ST7: variants seen among roughly 807,000 people sequenced by gnomAD.
ST7 encodes the protein suppressor of tumorigenicity 7 protein.
Under a neutral mutation model 78.7 loss-of-function variants are expected in ST7, and 28 were observed. The ratio of observed to expected loss-of-function variants is 0.36; its 90% CI spans 0.26 to 0.49. ST7 has a LOEUF of 0.49. Ranked by LOEUF, ST7 falls within the 20% of genes least tolerant of loss-of-function variation. The pLI is 0.99. For missense variants in ST7, 418 were observed against 696.0 expected (o/e 0.60, Z 4.49); for synonymous variants, 247 against 249.6 (o/e 0.99, Z 0.10).
chr7:117,229,438 T>C (rs1306442256), intron 15 of ST7, among the ~76,000 whole-genome samples: 1 of 152,252 alleles, frequency 6.6e-6, no homozygotes, highest in Non-Finnish European at 1.5e-5. Context: ...CTGTCATTCC[T>C]GTTTGACGAC....
chr7:117,067,414 G>T (rs981158529), intron 1 of ST7, among the ~76,000 whole-genome samples: 8 of 152,100 alleles, frequency 5.3e-5, no homozygotes, highest in Non-Finnish European at 8.8e-5. Flanking sequence ...TGCAGGAGGG[G>T]AAAAGAGACC....
chr7:117,002,977 C>T (rs563727215), intron 1 of ST7, among the ~76,000 whole-genome samples: 12 of 151,448 alleles, frequency 7.9e-5, no homozygotes, highest in African/African-American at 2.7e-4. Flanking sequence ...CACCCACAAC[C>T]GTGCCCAGCT....
intron 2 of ST7, chr7:117,112,332 C>G (rs1190229253): frequency 6.6e-6 from 1 of 152,150 alleles, no homozygotes; most frequent in Admixed American, 6.5e-5. Flanking sequence ...CACTCCATGC[C>G]AGGTGTACTA....
chr7:117,223,849 G>A, intron 15 of ST7: 1 of 626,492 alleles, frequency 1.6e-6, no homozygotes, highest in Non-Finnish European at 2.0e-6. Flanking sequence ...GTATCCCCAA[G>A]GCTTTGCACA....
At chr7:116,972,635 A>T in intron 1 of ST7, 1 of 1,239,758 alleles carries the variant, frequency 8.1e-7, no homozygotes. Flanking sequence ...TTTTCAATAA[A>T]CTTCATACCT....
At chr7:117,208,720 TC>T (rs1792005776) in intron 12 of ST7, among the ~76,000 whole-genome samples, 1 of 152,160 alleles carries the variant, frequency 6.6e-6, no homozygotes, top group African/African-American at 2.4e-5. Flanking sequence ...TTCATAAACT[TC>T]CACGGACAGA....
intron 2 of ST7, among the ~76,000 whole-genome samples, chr7:117,104,794 C>A (rs947808358): frequency 6.6e-6 from 1 of 152,248 alleles, no homozygotes; most frequent in East Asian, 1.9e-4. Context: ...TCCCCTTCAT[C>A]CTTGAAAGGT....
intron 15 of ST7, chr7:117,222,822 G>A: frequency 6.7e-7 from 1 of 1,495,214 alleles, no homozygotes; most frequent in Admixed American, 1.7e-5. Context: ...CAGAAAGGAT[G>A]ATTTCTAACT....
chr7:117,205,580 G>A (rs1270099190), intron 12 of ST7, among the ~76,000 whole-genome samples: 1 of 152,102 alleles, frequency 6.6e-6, no homozygotes, highest in Non-Finnish European at 1.5e-5. Flanking sequence ...AAGCACTTTA[G>A]CAGCCACCCA....
At chr7:116,977,948 A>G (rs1793779354) in intron 1 of ST7, among the ~76,000 whole-genome samples, 1 of 152,206 alleles carries the variant, frequency 6.6e-6, no homozygotes, top group Non-Finnish European at 1.5e-5. Context: ...CTTAAAGGAG[A>G]TACAATTCAT....
chr7:117,045,125 C>G (rs1797429529), intron 1 of ST7, among the ~76,000 whole-genome samples: 1 of 152,080 alleles, frequency 6.6e-6, no homozygotes, highest in South Asian at 2.1e-4. Flanking sequence ...CTACCTTAGT[C>G]CAAGACACCG....
intron 1 of ST7, among the ~76,000 whole-genome samples, chr7:117,018,891 C>A (rs759622914): frequency 6.6e-6 from 1 of 152,150 alleles, no homozygotes; most frequent in Non-Finnish European, 1.5e-5. Flanking sequence ...TTCTTAATGG[C>A]TCAGCATTTT....
intron 10 of ST7, among the ~76,000 whole-genome samples, chr7:117,185,878 G>A (rs762133763): frequency 2.0e-5 from 3 of 152,088 alleles, no homozygotes; most frequent in East Asian, 1.9e-4. Flanking sequence ...AGCTGAGATC[G>A]TGCCATTGCA....
At chr7:117,122,832 A>T (rs1283633160) in intron 3 of ST7, among the ~76,000 whole-genome samples, 1 of 152,108 alleles carries the variant, frequency 6.6e-6, no homozygotes, top group East Asian at 1.9e-4. Context: ...GGTGATTTTG[A>T]TTTTTGAATA....
chr7:117,033,511 C>T (rs1366733703), intron 1 of ST7, among the ~76,000 whole-genome samples: 1 of 151,878 alleles, frequency 6.6e-6, no homozygotes, highest in African/African-American at 2.4e-5. Flanking sequence ...GCAACCTCTG[C>T]CTCCTGGGTT....
At chr7:117,215,482 C>T (rs541206587) in intron 13 of ST7, among the ~76,000 whole-genome samples, 1 of 152,274 alleles carries the variant, frequency 6.6e-6, no homozygotes, top group East Asian at 1.9e-4. Context: ...CTTTACTGAG[C>T]AGCCAGGCAC....
intron 12 of ST7, among the ~76,000 whole-genome samples, chr7:117,201,831 C>A (rs980245784): frequency 1.1e-4 from 16 of 152,092 alleles, no homozygotes; most frequent in Admixed American, 3.3e-4. Context: ...CATCTCGACT[C>A]CATGACACCT....
intron 1 of ST7, among the ~76,000 whole-genome samples, chr7:116,998,480 C>T (rs1045281000): frequency 7.2e-5 from 11 of 152,340 alleles, no homozygotes; most frequent in South Asian, 6.2e-4. Flanking sequence ...CCCTCAAGCG[C>T]GGCCAGAGTG....
intron 3 of ST7, among the ~76,000 whole-genome samples, chr7:117,125,194 A>ATAGTT (rs1410744362): frequency 6.6e-6 from 1 of 152,148 alleles, no homozygotes; most frequent in Non-Finnish European, 1.5e-5. Context: ...AATACCTAAA[A>ATAGTT]TAGTTTTAGT....
Sources: allele counts gnomAD v4.1 joint callset (sites outside exome capture counted in the v4.1 genomes callset), GRCh38; gene constraint gnomAD v4.1.1; transcripts MANE v1.5; gene names NCBI Gene and HGNC (gene_info 2026-07-23, HGNC 2026-07-21).